KLHL1: variants seen among roughly 807,000 people sequenced by gnomAD.
KLHL1 encodes the protein kelch-like protein 1.
In KLHL1, 47 loss-of-function variants were observed where a neutral mutation model predicts 77.7. That is an observed-to-expected ratio of 0.60 (90% CI 0.48 to 0.77). The LOEUF (loss-of-function observed/expected upper bound fraction) is 0.77, where lower values mean the gene tolerates loss of function less well. Ranked by LOEUF, KLHL1 falls within the 30% of genes least tolerant of loss-of-function variation. The pLI, the probability that KLHL1 is intolerant of heterozygous loss-of-function variation, is 0.00. For synonymous variants in KLHL1, 360 were observed against 325.2 expected (o/e 1.11, Z -1.15); for missense variants, 925 against 910.8 (o/e 1.02, Z -0.20).
intron 1 of KLHL1, among the ~76,000 whole-genome samples, chr13:70,099,004 T>C (rs866485100): frequency 4.6e-5 from 7 of 152,020 alleles, no homozygotes; most frequent in Middle Eastern, 6.8e-3. Flanking sequence ...ACTTTTAGCT[T>C]CTTACTCAAA....
At chr13:69,800,924 T>C (rs1488278136) in intron 6 of KLHL1, among the ~76,000 whole-genome samples, 1 of 152,142 alleles carries the variant, frequency 6.6e-6, no homozygotes, top group African/African-American at 2.4e-5. Flanking sequence ...TTGGAAGGGA[T>C]TCAAAATGAA....
At chr13:69,804,820 AGTT>A (rs1034222856) in intron 6 of KLHL1, among the ~76,000 whole-genome samples, 49 of 152,268 alleles carry the variant, frequency 3.2e-4, no homozygotes, top group African/African-American at 1.1e-3. Context: ...ATTAGGAAAA[AGTT>A]GTTATGTTTG....
chr13:69,814,241 A>G (rs1426384237), intron 6 of KLHL1, among the ~76,000 whole-genome samples: 1 of 152,186 alleles, frequency 6.6e-6, no homozygotes, highest in Non-Finnish European at 1.5e-5. Flanking sequence ...TACAAAAATT[A>G]ACTCAAGATG....
chr13:70,104,677 ATTG>A (rs1888006913), intron 1 of KLHL1, among the ~76,000 whole-genome samples: 1 of 152,130 alleles, frequency 6.6e-6, no homozygotes, highest in Non-Finnish European at 1.5e-5. Flanking sequence ...ATATGACATC[ATTG>A]TTTGGTGATA....
chr13:69,782,418 A>G (rs1238571951), intron 7 of KLHL1, among the ~76,000 whole-genome samples: 2 of 152,204 alleles, frequency 1.3e-5, no homozygotes, highest in South Asian at 2.1e-4. Flanking sequence ...CTAGTCAAAG[A>G]AAGGGGTGAC....
intron 1 of KLHL1, among the ~76,000 whole-genome samples, chr13:70,077,394 C>T (rs1185978709): frequency 6.6e-6 from 1 of 151,690 alleles, no homozygotes; most frequent in Non-Finnish European, 1.5e-5. Context: ...CGCTGTAAGC[C>T]ATTCTGGAAA....
chr13:69,886,108 T>A (rs572727665), intron 4 of KLHL1, among the ~76,000 whole-genome samples: 14 of 152,228 alleles, frequency 9.2e-5, no homozygotes, highest in Admixed American at 9.2e-4. Flanking sequence ...ACTTTGATGG[T>A]CTTATATGTA....
In KLHL1 at chr13:69,981,609, T is replaced by C. The variant is rs568086979; in HGVS notation, c.498-5807A>G. Among the ~76,000 whole-genome samples, 28 of 152,180 alleles carry C rather than the reference T, an allele frequency of 1.8e-4. 1 individual carries two copies. The highest frequency in any genetic ancestry group is 7.0e-3 in the Middle Eastern group (2 of 286). ...AGGCAATGTATATGTCTTTAGATTA[T>C]ATTTGCATTAGAGTTATATGTATTT... On this transcript the variant is annotated intron_variant, in intron 1 of 10. Transcript: ENST00000377844.
chr13:69,792,785 G>T (rs1876926196), intron 7 of KLHL1, among the ~76,000 whole-genome samples: 1 of 151,946 alleles, frequency 6.6e-6, no homozygotes, highest in South Asian at 2.1e-4. Context: ...ATACACAAAA[G>T]GCCAGAAATT....
At chr13:70,001,760 A>G (rs1205113232) in intron 1 of KLHL1, among the ~76,000 whole-genome samples, 1 of 151,570 alleles carries the variant, frequency 6.6e-6, no homozygotes, top group South Asian at 2.1e-4. Flanking sequence ...TCCATATAAT[A>G]AAACTATGTC....
intron 7 of KLHL1, among the ~76,000 whole-genome samples, chr13:69,741,214 T>C (rs1873975451): frequency 6.6e-6 from 1 of 152,168 alleles, no homozygotes; most frequent in Non-Finnish European, 1.5e-5. Context: ...TATATATAAC[T>C]AGTACTCATT....
Position 70,032,093 on chromosome 13 carries a change from A to G in KLHL1, c.498-56291T>C, listed in dbSNP as rs79169378. On this transcript the variant is annotated intron_variant, in intron 1 of 10. Transcript: ENST00000377844. Reference sequence around the variant, plus strand: ...AGTGACCAGTCTGCAAATTATGGATACTTAATGGATATCTTAAAGGTTTAT... The same window carrying G: ...AGTGACCAGTCTGCAAATTATGGATGCTTAATGGATATCTTAAAGGTTTAT... 4.2e-3 allele frequency among the ~76,000 whole-genome samples: 640 copies of G among 152,314 alleles called. 4 individuals carry two copies. The highest frequency in any genetic ancestry group is 7.7e-3 in the Non-Finnish European group (521 of 68,028).
intron 4 of KLHL1, among the ~76,000 whole-genome samples, chr13:69,883,671 C>T (rs1316828694): frequency 1.3e-5 from 2 of 152,196 alleles, no homozygotes; most frequent in East Asian, 1.9e-4. Flanking sequence ...AGGAGCAGTA[C>T]ATATTTGCTG....
At chr13:69,939,340 CATATATATATA>C (rs1883281635) in intron 4 of KLHL1, among the ~76,000 whole-genome samples, 1 of 60,846 alleles carries the variant, frequency 1.6e-5, no homozygotes, top group African/African-American at 6.8e-5. Context: ...CATATACATA[CATATATATATA>C]TATATATATA....
chr13:69,982,456 A>AATC (rs1208378608), intron 1 of KLHL1, among the ~76,000 whole-genome samples: 23 of 136,850 alleles, frequency 1.7e-4, no homozygotes, highest in Non-Finnish European at 3.5e-4. Flanking sequence ...TAATAATAAT[A>AATC]ATAATAATAA....
At chr13:69,977,634 G>A (rs1186254148) in intron 1 of KLHL1, among the ~76,000 whole-genome samples, 1 of 152,052 alleles carries the variant, frequency 6.6e-6, no homozygotes, top group African/African-American at 2.4e-5. Context: ...TCAGGAAAGA[G>A]ATTCCAGTGA....
At chr13:70,083,836 C>T (rs777783373) in intron 1 of KLHL1, among the ~76,000 whole-genome samples, 1 of 151,766 alleles carries the variant, frequency 6.6e-6, no homozygotes, top group Admixed American at 6.6e-5. Context: ...TATTTAAACA[C>T]CACATTATAC....
At position 69,996,076 on chromosome 13, in the gene KLHL1, G is replaced by A. The variant is rs534280015; in HGVS notation, c.498-20274C>T. Among the ~76,000 whole-genome samples, 19 of 152,142 alleles carry A rather than the reference G, an allele frequency of 1.2e-4. 1 individual carries two copies. The South Asian group carries it at 3.5e-3, about 28-fold the overall frequency. On this transcript the variant is annotated intron_variant, in intron 1 of 10. Transcript: ENST00000377844. ...TCCCAGCACTTTGGGAGGTCAATGC[G>A]GGAGGATCATGAGGTCAGGAGACTG...
intron 5 of KLHL1, among the ~76,000 whole-genome samples, chr13:69,846,070 A>T (rs1323080050): frequency 6.6e-6 from 1 of 151,420 alleles, no homozygotes; most frequent in Non-Finnish European, 1.5e-5. Context: ...ATATACTTCT[A>T]TCATACAAGA....
Sources: allele counts gnomAD v4.1 joint callset (sites outside exome capture counted in the v4.1 genomes callset), GRCh38; gene constraint gnomAD v4.1.1; transcripts MANE v1.5; gene names NCBI Gene and HGNC (gene_info 2026-07-23, HGNC 2026-07-21).